Variants in LRRTM3 observed in about 807,000 individuals in gnomAD.
LRRTM3 encodes leucine rich repeat transmembrane neuronal 3, also known as leucine-rich repeat transmembrane neuronal protein 3.
In LRRTM3, 24 loss-of-function variants were observed where a neutral mutation model predicts 44.7. The observed-to-expected ratio is 0.54, with a 90% CI of 0.39 to 0.76. The LOEUF is 0.76. Among genes scored for constraint, LRRTM3 ranks in the 30% least tolerant of loss-of-function variants. The pLI, the probability that LRRTM3 is intolerant of heterozygous loss-of-function variation, is 0.00. For missense variants in LRRTM3, 587 were observed against 702.2 expected, an observed-to-expected ratio of 0.84 and a Z score of 1.85; for synonymous variants, 277 against 278.7, an observed-to-expected ratio of 0.99 and a Z score of 0.06.
chr10:67,068,765 T>C (rs1856249311), intron 2 of LRRTM3, among the ~76,000 whole-genome samples: 1 of 152,076 alleles, frequency 6.6e-6, no homozygotes, highest in Non-Finnish European at 1.5e-5. Context: ...GATTAAGAAG[T>C]GGTATGAGTT....
At chr10:67,034,938 C>A (rs374864737) in intron 2 of LRRTM3, among the ~76,000 whole-genome samples, 1 of 152,184 alleles carries the variant, frequency 6.6e-6, no homozygotes, top group Non-Finnish European at 1.5e-5. Context: ...GGCCTTCTTA[C>A]TGCCTGAAAT....
chr10:67,052,796 CTTTTT>C (rs1310956316), intron 2 of LRRTM3: 3 of 151,888 alleles, frequency 2.0e-5, no homozygotes, highest in Non-Finnish European at 4.4e-5. Flanking sequence ...AATCCTTTCT[CTTTTT>C]TTTAAGTTTT....
intron 2 of LRRTM3, among the ~76,000 whole-genome samples, chr10:67,057,731 C>A (rs1390795103): frequency 6.6e-6 from 1 of 152,110 alleles, no homozygotes; most frequent in Non-Finnish European, 1.5e-5. Context: ...ACCACCACCA[C>A]CACGATGAGC....
At chr10:67,032,266 C>T (rs1853774354) in intron 2 of LRRTM3, among the ~76,000 whole-genome samples, 1 of 151,168 alleles carries the variant, frequency 6.6e-6, no homozygotes, top group African/African-American at 2.4e-5. Context: ...TGCTTCATTG[C>T]TTTTTTTTTG....
intron 2 of LRRTM3, among the ~76,000 whole-genome samples, chr10:66,972,550 G>A (rs1436530400): frequency 2.0e-5 from 3 of 151,880 alleles, no homozygotes; most frequent in Non-Finnish European, 2.9e-5. Context: ...AGTTAACTTT[G>A]TCATTAACAG....
chr10:67,018,863 C>T (rs919753645), intron 2 of LRRTM3, among the ~76,000 whole-genome samples: 7 of 152,234 alleles, frequency 4.6e-5, no homozygotes, highest in South Asian at 2.1e-4. Context: ...GTATAAGAGA[C>T]GCCAGTCAAT....
intron 2 of LRRTM3, among the ~76,000 whole-genome samples, chr10:67,073,644 A>C (rs549675393): frequency 5.3e-5 from 8 of 152,194 alleles, no homozygotes; most frequent in African/African-American, 1.7e-4. Flanking sequence ...ATCACACACA[A>C]AAAATAATAG....
At chr10:67,036,400 C>T (rs576023808) in intron 2 of LRRTM3, among the ~76,000 whole-genome samples, 14 of 152,108 alleles carry the variant, frequency 9.2e-5, no homozygotes, top group South Asian at 8.3e-4. Context: ...TCCCAAGTAG[C>T]GACACCTGTA....
chr10:67,068,238 G>C (rs1308601690), intron 2 of LRRTM3, among the ~76,000 whole-genome samples: 1 of 152,090 alleles, frequency 6.6e-6, no homozygotes, highest in East Asian at 1.9e-4. Flanking sequence ...GACTGGATGT[G>C]GAAAGAGGAA....
intron 2 of LRRTM3, among the ~76,000 whole-genome samples, chr10:66,976,550 A>G (rs1850042816): frequency 6.6e-6 from 1 of 152,204 alleles, no homozygotes; most frequent in Non-Finnish European, 1.5e-5. Context: ...CTGTAATGAC[A>G]TCATCTCTTC....
At chr10:67,034,034 C>T (rs900685413) in intron 2 of LRRTM3, among the ~76,000 whole-genome samples, 6 of 152,096 alleles carry the variant, frequency 3.9e-5, no homozygotes, top group Non-Finnish European at 5.9e-5. Context: ...GGCCTTCCAA[C>T]GTGCTGAGAC....
At chr10:67,066,481 G>A (rs1273160705) in intron 2 of LRRTM3, among the ~76,000 whole-genome samples, 4 of 147,466 alleles carry the variant, frequency 2.7e-5, no homozygotes, top group Admixed American at 1.4e-4. Flanking sequence ...GTGAACCACC[G>A]CACCTGGCCA....
chr10:67,085,933 C>CTCAT (rs1174962852), intron 2 of LRRTM3, among the ~76,000 whole-genome samples: 6 of 151,660 alleles, frequency 4.0e-5, no homozygotes. Context: ...TATATAAAGC[C>CTCAT]TCATAGCAAC....
intron 2 of LRRTM3, among the ~76,000 whole-genome samples, chr10:66,978,556 T>A (rs1378790962): frequency 1.4e-3 from 105 of 75,972 alleles, no homozygotes; most frequent in East Asian, 4.3e-3. Context: ...AAAAAAAATA[T>A]ATATATATAT....
At chr10:67,064,173 T>C (rs974720929) in intron 2 of LRRTM3, among the ~76,000 whole-genome samples, 1 of 152,210 alleles carries the variant, frequency 6.6e-6, no homozygotes. Context: ...TTATCTTTCA[T>C]CTTACATCAT....
At chr10:67,085,842 G>C (rs1457902019) in intron 2 of LRRTM3, among the ~76,000 whole-genome samples, 2 of 151,950 alleles carry the variant, frequency 1.3e-5, no homozygotes, top group African/African-American at 2.4e-5. Context: ...ACAATCTAGA[G>C]AGATAGATTA....
At chr10:66,971,097 CTT>C (rs1849695066) in intron 2 of LRRTM3, among the ~76,000 whole-genome samples, 1 of 152,046 alleles carries the variant, frequency 6.6e-6, no homozygotes, top group African/African-American at 2.4e-5. Flanking sequence ...TCTATTTGGA[CTT>C]TAATTACACT....
chr10:67,012,785 C>T (rs982385574), intron 2 of LRRTM3, among the ~76,000 whole-genome samples: 9 of 152,010 alleles, frequency 5.9e-5, no homozygotes, highest in South Asian at 4.2e-4. Context: ...TTGGAATTCA[C>T]GAGTGTTTGT....
In LRRTM3 at chr10:66,963,547, T is replaced by C. The variant is rs181758489; in HGVS notation, c.1536+35095T>C. ...TATAAGAACAGGATTGGAAAGACTGTGATCAGATGAACTGATCACCTGCAG... is the reference window on the plus strand; with the variant it reads ...TATAAGAACAGGATTGGAAAGACTGCGATCAGATGAACTGATCACCTGCAG... On this transcript the variant is annotated intron_variant, in intron 2 of 2. Coordinates refer to ENST00000361320, the MANE Select transcript of LRRTM3 (RefSeq NM_178011.5). Among the ~76,000 whole-genome samples the C allele has an allele frequency of 6.4e-3, 975 of 152,270 alleles. 4 individuals carry two copies. Among genetic ancestry groups the C allele is most frequent in the Middle Eastern group, 0.017 (5 of 294 alleles).
Sources: allele counts gnomAD v4.1 joint callset (sites outside exome capture counted in the v4.1 genomes callset), GRCh38; gene constraint gnomAD v4.1.1; transcripts MANE v1.5; gene names NCBI Gene and HGNC (gene_info 2026-07-23, HGNC 2026-07-21).